Variants in IARS1 observed in about 807,000 individuals in gnomAD.
IARS1 encodes isoleucyl-tRNA synthetase 1.
A neutral mutation model predicts 168.2 loss-of-function variants in IARS1; 124 were observed. The ratio of observed to expected loss-of-function variants is 0.74; its 90% CI spans 0.64 to 0.86. The LOEUF (loss-of-function observed/expected upper bound fraction) is 0.86. Ranked by LOEUF, IARS1 falls within the 40% of genes least tolerant of loss-of-function variation. IARS1 has a pLI of 0.00. For synonymous variants in IARS1, 532 were observed against 529.4 expected (o/e 1.00, Z -0.07); for missense variants, 1,452 against 1,515.8 (o/e 0.96, Z 0.70).
chr9:92,278,859 G>A (rs1834126142), intron 7 of IARS1, among the ~76,000 whole-genome samples: 3 of 152,108 alleles, frequency 2.0e-5, no homozygotes, highest in African/African-American at 7.2e-5. Flanking sequence ...ATTTTATAGA[G>A]GTACGAATTA....
intron 10 of IARS1, 68 bp from the exon 11 acceptor site, chr9:92,271,723 A>G (rs1418246963): frequency 1.3e-6 from 2 of 1,504,476 alleles, no homozygotes; most frequent in Non-Finnish European, 1.8e-6. Context: ...GAGGTAATAG[A>G]TTCCCAAGAT....
At position 92,214,914 on chromosome 9, in the gene IARS1, C is replaced by T. The variant is rs180826142; in HGVS notation, c.3707-4025G>A. On this transcript the variant is annotated intron_variant, in intron 33 of 33. Coordinates refer to ENST00000443024, the MANE Select transcript of IARS1 (RefSeq NM_002161.6). Reference sequence around the variant, plus strand: ...GCCGGGAAGCTCGAATTGGGTGGAGCCCACCACAGCTCAAGGAGGCCTGCA... The same window carrying T: ...GCCGGGAAGCTCGAATTGGGTGGAGTCCACCACAGCTCAAGGAGGCCTGCA... Among the ~76,000 whole-genome samples, 358 of 152,376 alleles carry T rather than the reference C, an allele frequency of 2.3e-3. 1 individual carries two copies. Among genetic ancestry groups the T allele is most frequent in the African/African-American group, 8.2e-3 (342 of 41,596 alleles).
chr9:92,256,149 C>A (rs539277082), intron 20 of IARS1, among the ~76,000 whole-genome samples: 11 of 151,188 alleles, frequency 7.3e-5, no homozygotes, highest in South Asian at 2.1e-4. Context: ...ATTGAGACCA[C>A]GAGGACACCC....
rs370860782 is a variant in IARS1, at chr9:92,228,997, A to G, written c.3409+4T>C. 5 of 1,613,982 alleles carry G rather than the reference A, an allele frequency of 3.1e-6. No individual in the cohort carries two copies. In the South Asian group the frequency reaches 5.5e-5, roughly 18 times the overall value. On this transcript the variant is annotated splice_donor_region_variant and intron_variant, in intron 31 of 33. Coordinates refer to ENST00000443024, the MANE Select transcript of IARS1 (RefSeq NM_002161.6). ...GACGTAGGCTCCTCTCACTTTCCAC[A>G]TACCTGTTTCATCATGGAAGACAGC... is the stretch of plus-strand genomic sequence containing the variant.
At chr9:92,281,672 C>T (rs150081895) in intron 6 of IARS1, among the ~76,000 whole-genome samples, 4 of 151,690 alleles carry the variant, frequency 2.6e-5, no homozygotes, top group South Asian at 2.1e-4. Flanking sequence ...TCCAACTTTA[C>T]GGAAATGTTT....
intron 11 of IARS1, 40 bp from the exon 12 acceptor site, chr9:92,271,116 A>T (rs1279249654): frequency 4.7e-6 from 6 of 1,286,668 alleles, no homozygotes; most frequent in Admixed American, 2.0e-5. Flanking sequence ...AAAACATACT[A>T]TAATACTTAG....
chr9:92,250,427 G>T, intron 23 of IARS1, 138 bp from the exon 24 acceptor site: 1 of 674,390 alleles, frequency 1.5e-6, no homozygotes, highest in African/African-American at 1.8e-5. Context: ...CTGGGGAAGG[G>T]CAGCGCAGTG....
intron 30 of IARS1, among the ~76,000 whole-genome samples, chr9:92,238,543 G>A (rs1189611623): frequency 1.3e-5 from 2 of 152,186 alleles, no homozygotes; most frequent in Non-Finnish European, 2.9e-5. Context: ...AGAAGCAGAT[G>A]CTTGTGCCGT....
At chr9:92,229,288 T>A (rs1826260960) in intron 30 of IARS1, among the ~76,000 whole-genome samples, 162 bp from the exon 31 acceptor site, 1 of 151,728 alleles carries the variant, frequency 6.6e-6, no homozygotes, top group African/African-American at 2.4e-5. Context: ...ATTATATACA[T>A]ATAAAAGCAT....
At chr9:92,246,449 C>T (rs1353485652) in intron 26 of IARS1, among the ~76,000 whole-genome samples, 1 of 152,184 alleles carries the variant, frequency 6.6e-6, no homozygotes, top group Non-Finnish European at 1.5e-5. Context: ...TCTGGGCACC[C>T]TGAAATGCTC....
rs531585054 is a variant in IARS1 at position 92,263,171 on chromosome 9, A to G, written c.1701-116T>C. ...TGATAAGTCACACTTCTTGAGAATC[A>G]CTTAAAGCAATGATTCTTAATCCTG... On this transcript the variant is annotated intron_variant, in intron 16 of 33. Transcript: ENST00000443024. 3.8e-5 allele frequency: 26 copies of G among 692,540 alleles called. No homozygotes were observed. In the African/African-American group the frequency reaches 4.1e-4, roughly 11 times the overall value. The allele number at this position is 692,540 out of a possible 1,614,324, so 42.9% of individuals were successfully genotyped here.
At chr9:92,238,052 C>T (rs945157454) in intron 30 of IARS1, among the ~76,000 whole-genome samples, 2 of 152,050 alleles carry the variant, frequency 1.3e-5, no homozygotes, top group African/African-American at 4.8e-5. Flanking sequence ...ACTATAGGCG[C>T]CCGCCACCAA....
At chr9:92,249,039 C>A (rs1255071054) in intron 25 of IARS1, among the ~76,000 whole-genome samples, 1 of 152,146 alleles carries the variant, frequency 6.6e-6, no homozygotes, top group East Asian at 1.9e-4. Context: ...CTGATATATG[C>A]ATATATGTAC....
chr9:92,251,807 C>T lies in IARS1; in HGVS notation c.2307+1G>A, dbSNP rs750380816. ...TACTAGAAAGAAGCCAATCATCTTACCATAAGTCTGCAAAGAGAAAGCAGA... is the reference window on the plus strand; with the variant it reads ...TACTAGAAAGAAGCCAATCATCTTATCATAAGTCTGCAAAGAGAAAGCAGA... On this transcript the variant is annotated splice_donor_variant, in intron 22 of 33. Transcript: ENST00000443024. LOFTEE classifies it high-confidence loss of function. The T allele has an allele frequency of 3.1e-6, 5 of 1,612,530 alleles. No homozygotes were observed. The highest frequency in any genetic ancestry group is 1.7e-5 in the Admixed American group (1 of 60,026).
At chr9:92,265,165 T>C (rs772561290) in intron 15 of IARS1, 42 bp from the exon 16 acceptor site, 66 of 1,517,872 alleles carry the variant, frequency 4.3e-5, no homozygotes, top group Non-Finnish European at 5.6e-5. Context: ...ACTGTAAGCA[T>C]AACAGAACTT....
intron 20 of IARS1, chr9:92,253,787 G>A (rs201913438): frequency 1.2e-5 from 6 of 498,100 alleles, no homozygotes; most frequent in South Asian, 3.1e-5. Flanking sequence ...CCATTTACAC[G>A]GAGCTGTGCA....
intron 27 of IARS1, among the ~76,000 whole-genome samples, chr9:92,244,052 G>GAAATGCATGATA (rs1158817500): frequency 6.6e-6 from 1 of 152,114 alleles, no homozygotes; most frequent in African/African-American, 2.4e-5. Flanking sequence ...CAGAGGTAGT[G>GAAATGCATGATA]AAATGCATGA....
chr9:92,250,689 G>C (rs1829891093), intron 23 of IARS1, 24 bp downstream of exon 23: 1 of 1,579,962 alleles, frequency 6.3e-7, no homozygotes, highest in Non-Finnish European at 8.6e-7. Flanking sequence ...GCACAGGTGA[G>C]GCTTATTTCT....
intron 3 of IARS1, 105 bp from the exon 4 acceptor site, chr9:92,288,015 G>C (rs538949615): frequency 1.3e-5 from 20 of 1,521,490 alleles, no homozygotes; most frequent in Non-Finnish European, 1.8e-5. Flanking sequence ...TTATAGAAAT[G>C]AACTAGAAGG....
Sources: allele counts gnomAD v4.1 joint callset (sites outside exome capture counted in the v4.1 genomes callset), GRCh38; gene constraint gnomAD v4.1.1; transcripts MANE v1.5; gene names NCBI Gene and HGNC (gene_info 2026-07-23, HGNC 2026-07-21).